The following KCNQ1OT1 variants were observed in gnomAD, a reference collection of about 807,000 sequenced individuals.
KCNQ1OT1 encodes the protein KCNQ1 opposite strand/antisense transcript 1.
chr11:2,612,711 G>A lies in KCNQ1OT1; in HGVS notation n.87284C>T, dbSNP rs193229278. Reference sequence around the variant, plus strand: ...TAGTTATAATACTTACTTTGAAATCGCGCCCTAACATTTGGGGCCCTTCAG... The same window carrying A: ...TAGTTATAATACTTACTTTGAAATCACGCCCTAACATTTGGGGCCCTTCAG... On this transcript the variant is annotated non_coding_transcript_exon_variant, in exon 1 of 1. Coordinates refer to ENST00000597346, the Ensembl canonical transcript of KCNQ1OT1. This position sits in a 1 kb window ranked among gnomAD's most constrained non-coding sequence, Gnocchi z 5.5. 6.1e-4 allele frequency: 241 copies of A among 398,314 alleles called. No homozygotes were observed. Among genetic ancestry groups the A allele is most frequent in the Admixed American group, 7.9e-4 (18 of 22,722 alleles). 24.7% of individuals were successfully genotyped at this position (398,314 alleles called of 1,614,324 possible).
exon 1 of KCNQ1OT1, chr11:2,681,799 C>A: frequency 2.5e-6 from 1 of 398,578 alleles, no homozygotes; most frequent in Non-Finnish European, 4.4e-6. Context: ...GGTACAGTCC[C>A]TGCCTTCTCA....
chr11:2,674,450 G>A lies in KCNQ1OT1; in HGVS notation n.25545C>T, dbSNP rs1305408055. On this transcript the variant is annotated non_coding_transcript_exon_variant, in exon 1 of 1. Coordinates refer to ENST00000597346, the Ensembl canonical transcript of KCNQ1OT1. This position sits in a 1 kb window ranked among gnomAD's most constrained non-coding sequence, Gnocchi z 5.9. ...GACCACAGAGGCTGGGGGGAGGCACGTGGGGAGGAGGGCTGCCTGTCGAGA... is the reference window on the plus strand; with the variant it reads ...GACCACAGAGGCTGGGGGGAGGCACATGGGGAGGAGGGCTGCCTGTCGAGA... 2.0e-5 allele frequency: 8 copies of A among 398,574 alleles called. No homozygotes were observed. The highest frequency in any genetic ancestry group is 3.1e-5 in the Non-Finnish European group (7 of 226,124). 24.7% of individuals were successfully genotyped at this position (398,574 alleles called of 1,614,324 possible).
chr11:2,630,871 T>A (rs1281635686), exon 1 of KCNQ1OT1: 2 of 398,376 alleles, frequency 5.0e-6, no homozygotes, highest in East Asian at 3.6e-5. Context: ...TAGATGGCAG[T>A]TTTTTATCTT....
In KCNQ1OT1 at chr11:2,654,137, C is replaced by T. The variant is rs1057437738; in HGVS notation, n.45858G>A. 2.5e-6 allele frequency: 1 copy of T among 398,518 alleles called. No individual in the cohort carries two copies. 24.7% of individuals were successfully genotyped at this position (398,518 alleles called of 1,614,324 possible). A position where few individuals can be genotyped will look rare whatever the true frequency, so the allele number is the denominator to read the frequency against. Reference sequence around the variant, plus strand: ...ACAGGTGGTGGCGGGGCCACTCTGGCTCAGGGTCTATGAGCCGGGCATGGG... The same window carrying T: ...ACAGGTGGTGGCGGGGCCACTCTGGTTCAGGGTCTATGAGCCGGGCATGGG... On this transcript the variant is annotated non_coding_transcript_exon_variant, in exon 1 of 1. Coordinates refer to ENST00000597346, the Ensembl canonical transcript of KCNQ1OT1. This position sits in a 1 kb window ranked among gnomAD's most constrained non-coding sequence, Gnocchi z 6.4.
chr11:2,677,709 A>G lies in KCNQ1OT1; in HGVS notation n.22286T>C, dbSNP rs907488682. 11 of 398,610 alleles carry G rather than the reference A, an allele frequency of 2.8e-5. No individual in the cohort carries two copies. In the East Asian group the frequency reaches 2.9e-4, roughly 10 times the overall value. The allele number at this position is 398,610 out of a possible 1,614,324, so 24.7% of individuals were successfully genotyped here. On this transcript the variant is annotated non_coding_transcript_exon_variant, in exon 1 of 1. Transcript: ENST00000597346. This position sits in a 1 kb window ranked among gnomAD's most constrained non-coding sequence, Gnocchi z 4.5. The stretch of plus-strand genomic sequence containing the variant: ...TGTTATTTTTCAAATTAACTTCCCA[A>G]TCAAATATCTCTATTGTAAAATTTT...
exon 1 of KCNQ1OT1, chr11:2,680,076 G>A: frequency 2.5e-6 from 1 of 394,218 alleles, no homozygotes; most frequent in Non-Finnish European, 4.5e-6. Context: ...TTTTTTATTA[G>A]AGACAGGGTT....
At chr11:2,622,102 T>C (rs1029860745) in exon 1 of KCNQ1OT1, 2 of 398,356 alleles carry the variant, frequency 5.0e-6, no homozygotes, top group Non-Finnish European at 8.9e-6. Flanking sequence ...TATTTTTAAG[T>C]TTCTGTTTTC....
exon 1 of KCNQ1OT1, chr11:2,672,157 G>T: frequency 2.5e-6 from 1 of 398,654 alleles, no homozygotes; most frequent in Non-Finnish European, 4.4e-6. Context: ...TCAAAGTTGG[G>T]CTTGTTTTTC....
Position 2,664,525 on chromosome 11 carries a change from C to A in KCNQ1OT1, n.35470G>T. ...AGTGGGCACCCTGTTTCCTCAGGGC[C>A]CAAACCGCCTGGCGGCAGGGGTGTG... On this transcript the variant is annotated non_coding_transcript_exon_variant, in exon 1 of 1. Coordinates refer to ENST00000597346, the Ensembl canonical transcript of KCNQ1OT1. The surrounding 1 kb of genome is among the most constrained non-coding windows in gnomAD (Gnocchi z 5.1). 2.5e-6 allele frequency: 1 copy of A among 398,760 alleles called. No homozygotes were observed. Among genetic ancestry groups the A allele is most frequent in the Non-Finnish European group, 4.4e-6 (1 of 226,162 alleles). 24.7% of individuals were successfully genotyped at this position (398,760 alleles called of 1,614,324 possible). A position where few individuals can be genotyped will look rare whatever the true frequency, so the allele number is the denominator to read the frequency against.
exon 1 of KCNQ1OT1, chr11:2,667,092 A>C: frequency 2.5e-6 from 1 of 398,634 alleles, no homozygotes; most frequent in Non-Finnish European, 4.4e-6. Context: ...TGTTCTTCTA[A>C]TTAAATTAAA....
Position 2,679,528 on chromosome 11 carries a change from C to T in KCNQ1OT1, n.20467G>A. ...GTTACTTAAATGTATTGCTATACCT[C>T]ATGATGGCCATTCCATCCATTGTAA... On this transcript the variant is annotated non_coding_transcript_exon_variant, in exon 1 of 1. Coordinates refer to ENST00000597346, the Ensembl canonical transcript of KCNQ1OT1. The surrounding 1 kb of genome is among the most constrained non-coding windows in gnomAD (Gnocchi z 4.8). 1 of 398,590 alleles carries T rather than the reference C, an allele frequency of 2.5e-6. No individual in the cohort carries two copies. Among genetic ancestry groups the T allele is most frequent in the Non-Finnish European group, 4.4e-6 (1 of 226,062 alleles). The allele number at this position is 398,590 out of a possible 1,614,324, so 24.7% of individuals were successfully genotyped here. A position where few individuals can be genotyped will look rare whatever the true frequency, so the allele number is the denominator to read the frequency against.
At position 2,683,514 on chromosome 11, in the gene KCNQ1OT1, A is replaced by G. The variant is rs1850434108; in HGVS notation, n.16481T>C. On this transcript the variant is annotated non_coding_transcript_exon_variant, in exon 1 of 1. Transcript: ENST00000597346. This position sits in a 1 kb window ranked among gnomAD's most constrained non-coding sequence, Gnocchi z 4.7. ...CATAACTTGTTAAAGCATAGAGCTT[A>G]GTTCAGAGTAAACATTTCTAAAAAA... is the stretch of plus-strand genomic sequence containing the variant. The G allele has an allele frequency of 7.5e-6, 3 of 398,566 alleles. No homozygotes were observed. The allele number at this position is 398,566 out of a possible 1,614,324, so 24.7% of individuals were successfully genotyped here.
chr11:2,646,328 A>C (rs562928005), exon 1 of KCNQ1OT1: 44 of 398,496 alleles, frequency 1.1e-4, no homozygotes, highest in African/African-American at 8.8e-4. Context: ...TTTTCTTTCA[A>C]TCCATGAGCA....
chr11:2,665,369 C>G, exon 1 of KCNQ1OT1: 1 of 398,190 alleles, frequency 2.5e-6, no homozygotes, highest in Non-Finnish European at 4.4e-6. Flanking sequence ...ACCCCCATGA[C>G]AAGAGGAGCC....
exon 1 of KCNQ1OT1, chr11:2,697,846 T>C (rs1267618993): frequency 5.0e-6 from 2 of 398,556 alleles, no homozygotes; most frequent in Admixed American, 4.4e-5. Context: ...TCTATCTGAA[T>C]TTGGACATGC....
chr11:2,635,589 G>A (rs1324893901), exon 1 of KCNQ1OT1: 9 of 152,304 alleles, frequency 5.9e-5, no homozygotes, highest in Non-Finnish European at 1.2e-4. Flanking sequence ...CTGTAGCCTT[G>A]TAGTATAGTT....
exon 1 of KCNQ1OT1, chr11:2,638,293 G>A (rs553575240): frequency 4.8e-4 from 73 of 152,342 alleles, no homozygotes; most frequent in African/African-American, 1.7e-3. Flanking sequence ...AATTTGTCAT[G>A]TTTTTGCAGT....
exon 1 of KCNQ1OT1, chr11:2,693,064 T>C (rs1850614810): frequency 5.0e-6 from 2 of 398,684 alleles, no homozygotes; most frequent in East Asian, 7.1e-5. Context: ...AGGCATCCAG[T>C]TAGCCATAGA....
At chr11:2,686,621 C>T in exon 1 of KCNQ1OT1, 1 of 398,694 alleles carries the variant, frequency 2.5e-6, no homozygotes, top group Non-Finnish European at 4.4e-6. Flanking sequence ...ATGAGCGTGG[C>T]TGCCCTCAGG....
Sources: gnomAD v4.1 joint callset for allele counts on GRCh38, gnomAD v4.1.1 for gene constraint, Gnocchi (gnomAD v3.1) non-coding constraint, MANE v1.5 for transcripts, NCBI Gene and HGNC (gene_info 2026-07-23, HGNC 2026-07-21) for gene names.